The following ASIC2 variants were observed in gnomAD, a reference collection of about 807,000 sequenced individuals.
ASIC2 encodes acid-sensing ion channel 2.
In ASIC2, 25 loss-of-function variants were observed where a neutral mutation model predicts 57.3. The ratio of observed to expected loss-of-function variants is 0.44; its 90% CI spans 0.32 to 0.61. ASIC2 has a LOEUF of 0.61. ASIC2 is among the 20% of genes least tolerant of loss of function. The probability of loss-of-function intolerance (pLI) is 0.06; values close to 1 mark genes in which losing one functional copy is unlikely to be tolerated. For synonymous variants in ASIC2, 319 were observed against 307.5 expected, an observed-to-expected ratio of 1.04 and a Z score of -0.39; for missense variants, 641 against 738.1, an observed-to-expected ratio of 0.87 and a Z score of 1.52.
intron 1 of ASIC2, among the ~76,000 whole-genome samples, chr17:34,146,218 C>T (rs1452963132): frequency 6.6e-6 from 1 of 152,122 alleles, no homozygotes; most frequent in Non-Finnish European, 1.5e-5. Flanking sequence ...GAATTGTTAT[C>T]GCCGTCTTGA....
At chr17:33,405,703 C>T (rs1374479680) in intron 1 of ASIC2, among the ~76,000 whole-genome samples, 1 of 151,952 alleles carries the variant, frequency 6.6e-6, no homozygotes, top group Non-Finnish European at 1.5e-5. Flanking sequence ...AGGCTGGTCT[C>T]GAACCCCTGA....
intron 1 of ASIC2, among the ~76,000 whole-genome samples, chr17:33,325,230 A>C (rs965584275): frequency 6.6e-6 from 1 of 152,202 alleles, no homozygotes; most frequent in Non-Finnish European, 1.5e-5. Context: ...ATAACTCAAA[A>C]AATGAACCTG....
chr17:33,585,329 C>T (rs1313314888), intron 1 of ASIC2, among the ~76,000 whole-genome samples: 1 of 152,182 alleles, frequency 6.6e-6, no homozygotes, highest in Non-Finnish European at 1.5e-5. Flanking sequence ...ACTTACATGC[C>T]TTCCCCAGTC....
intron 1 of ASIC2, among the ~76,000 whole-genome samples, chr17:33,235,780 T>C (rs1908272169): frequency 6.6e-6 from 1 of 152,204 alleles, no homozygotes; most frequent in African/African-American, 2.4e-5. Context: ...GTCACACCCA[T>C]AACTCATTCA....
Position 33,072,468 on chromosome 17 carries a change from C to T in ASIC2, c.987+16395G>A, listed in dbSNP as rs114409769. Among the ~76,000 whole-genome samples the T allele has an allele frequency of 9.9e-3, 1,503 of 152,276 alleles. 27 individuals carry two copies. Among genetic ancestry groups the T allele is most frequent in the African/African-American group, 0.034 (1,409 of 41,558 alleles). On this transcript the variant is annotated intron_variant, in intron 3 of 9. Transcript: ENST00000225823. ...AATTTTAATACCAATAACAATAACA[C>T]TAAATGCCATTCCAAAGTAAAGAGT... is the stretch of plus-strand genomic sequence containing the variant.
chr17:33,444,479 A>G (rs774268149), intron 1 of ASIC2, among the ~76,000 whole-genome samples: 2 of 152,226 alleles, frequency 1.3e-5, no homozygotes, highest in Non-Finnish European at 2.9e-5. Flanking sequence ...TGCATGGTCT[A>G]CTAGAAAATA....
At chr17:33,647,944 A>G (rs950461450) in intron 1 of ASIC2, among the ~76,000 whole-genome samples, 3 of 152,172 alleles carry the variant, frequency 2.0e-5, no homozygotes, top group African/African-American at 4.8e-5. Flanking sequence ...TCCAGACACC[A>G]GGGAGGTATG....
rs74379979 is a variant in ASIC2, at chr17:33,592,639, C to T, written c.556-480572G>A. ...TAGCTCTGTGTACGTGGTGAGTAAG[C>T]TTAAGGATGGGTGTAGATAGGACTG... On this transcript the variant is annotated intron_variant, in intron 1 of 9. Transcript: ENST00000359872. Among the ~76,000 whole-genome samples the T allele has an allele frequency of 3.3e-3, 507 of 152,316 alleles. 19 individuals carry two copies. In the East Asian group the frequency reaches 0.077, roughly 23 times the overall value.
intron 1 of ASIC2, chr17:34,039,154 C>G: frequency 6.2e-7 from 1 of 1,614,000 alleles, no homozygotes; most frequent in Non-Finnish European, 8.5e-7. Flanking sequence ...ACAGATGGCT[C>G]TTAATAAATC....
At chr17:34,116,070 T>G (rs139668366) in intron 1 of ASIC2, among the ~76,000 whole-genome samples, 133 of 151,890 alleles carry the variant, frequency 8.8e-4, no homozygotes, top group African/African-American at 3.1e-3. Flanking sequence ...TGTGAGAGAG[T>G]GTTGAGAGTA....
At chr17:33,541,372 C>T (rs998353957) in intron 1 of ASIC2, 1 of 152,118 alleles carries the variant, frequency 6.6e-6, no homozygotes, top group South Asian at 2.1e-4. Context: ...CCACAATGTC[C>T]CCCCCGAACA....
chr17:33,971,269 C>T (rs561870550), intron 1 of ASIC2, among the ~76,000 whole-genome samples: 1 of 152,122 alleles, frequency 6.6e-6, no homozygotes. Context: ...AGTAGCCTAC[C>T]TGGTCAAAAC....
chr17:33,083,619 C>T lies in ASIC2; in HGVS notation c.987+5244G>A, dbSNP rs184682247. Among the ~76,000 whole-genome samples the T allele has an allele frequency of 8.5e-4, 130 of 152,172 alleles. 1 individual carries two copies. Among genetic ancestry groups the T allele is most frequent in the Non-Finnish European group, 1.3e-3 (90 of 67,990 alleles). On this transcript the variant is annotated intron_variant, in intron 3 of 9. Transcript: ENST00000225823. ...ATCTGGAGGTGTGAATAGGCCTTTGCCAGGTAGATGAAACAAGGAAGGGCA... is the reference window on the plus strand; with the variant it reads ...ATCTGGAGGTGTGAATAGGCCTTTGTCAGGTAGATGAAACAAGGAAGGGCA...
At chr17:33,542,173 C>T (rs553085843) in intron 1 of ASIC2, among the ~76,000 whole-genome samples, 1 of 152,240 alleles carries the variant, frequency 6.6e-6, no homozygotes, top group South Asian at 2.1e-4. Flanking sequence ...GGTTCCAAGT[C>T]TTTGCTATTG....
At chr17:33,099,561 G>A (rs1005361667) in intron 2 of ASIC2, among the ~76,000 whole-genome samples, 12 of 152,168 alleles carry the variant, frequency 7.9e-5, no homozygotes, top group East Asian at 1.9e-4. Flanking sequence ...TGAAAGCACC[G>A]TGTGTGGAGT....
chr17:33,557,753 CTA>C (rs1915951476), intron 1 of ASIC2, among the ~76,000 whole-genome samples: 1 of 152,184 alleles, frequency 6.6e-6, no homozygotes, highest in African/African-American at 2.4e-5. Context: ...ACATCCCACT[CTA>C]TTATTCTCCA....
chr17:33,639,878 TA>T (rs1268851325), intron 1 of ASIC2, among the ~76,000 whole-genome samples: 19 of 152,044 alleles, frequency 1.2e-4, no homozygotes, highest in African/African-American at 4.6e-4. Context: ...CATCAATGGA[TA>T]ATGATTATTC....
intron 2 of ASIC2, among the ~76,000 whole-genome samples, chr17:33,101,993 G>T (rs746068815): frequency 6.6e-6 from 1 of 152,090 alleles, no homozygotes; most frequent in South Asian, 2.1e-4. Context: ...GACCCACAAG[G>T]GCCATCCCTT....
chr17:33,067,571 GCTTCAAGAAACCACACTTTATT>G (rs887609109), intron 3 of ASIC2, among the ~76,000 whole-genome samples: 1 of 152,130 alleles, frequency 6.6e-6, no homozygotes, highest in African/African-American at 2.4e-5. Context: ...TTGAACTTTG[GCTTCAAGAAACCACACTTTATT>G]CTTTAGAGTG....
Sources: gnomAD v4.1 joint callset for allele counts (sites outside exome capture counted in the v4.1 genomes callset) on GRCh38, gnomAD v4.1.1 for gene constraint, MANE v1.5 for transcripts, NCBI Gene and HGNC (gene_info 2026-07-23, HGNC 2026-07-21) for gene names.